Variants in RPS6KA3 observed in about 807,000 individuals in gnomAD.
RPS6KA3 encodes ribosomal protein S6 kinase alpha-3.
A neutral mutation model predicts 67.2 loss-of-function variants in RPS6KA3; 4 were observed. The observed-to-expected ratio is 0.06, with a 90% CI of 0.03 to 0.14. The LOEUF (loss-of-function observed/expected upper bound fraction) is 0.14, where lower values mean the gene tolerates loss of function less well. RPS6KA3 is among the 10% of genes least tolerant of loss of function. The probability of loss-of-function intolerance (pLI) is 1.00; values close to 1 mark genes in which losing one functional copy is unlikely to be tolerated. For synonymous variants in RPS6KA3, 182 were observed against 183.7 expected, an observed-to-expected ratio of 0.99 and a Z score of 0.07; for missense variants, 204 against 559.0, an observed-to-expected ratio of 0.36 and a Z score of 6.40.
At chrX:20,164,540 A>T (rs937272038) in intron 18 of RPS6KA3, among the ~76,000 whole-genome samples, 1 of 109,257 alleles carries the variant, frequency 9.2e-6, no homozygotes, top group African/African-American at 3.3e-5. Context: ...GCACGCCACC[A>T]TGCCCAGCTA....
intron 9 of RPS6KA3, 126 bp from the exon 10 acceptor site, chrX:20,186,492 G>A: frequency 2.1e-6 from 1 of 470,927 alleles, no homozygotes; most frequent in Middle Eastern, 5.5e-4. Context: ...TACATAACAA[G>A]TGTTTTCTAT....
intron 1 of RPS6KA3, chrX:20,235,579 T>G (rs1254948121): frequency 3.6e-5 from 4 of 111,194 alleles, no homozygotes; most frequent in Admixed American, 9.6e-5. Flanking sequence ...GAAATGCATT[T>G]AACCCAAAGA....
chrX:20,226,280 A>AAGAACAGAAAAATCCAGCC (rs2069119138), intron 2 of RPS6KA3, among the ~76,000 whole-genome samples: 1 of 112,306 alleles, frequency 8.9e-6, no homozygotes, highest in Non-Finnish European at 1.9e-5. Context: ...TAAGTGTGTG[A>AAGAACAGAAAAATCCAGCC]AGAACAGAAA....
chrX:20,185,094 T>C (rs1981870607), intron 10 of RPS6KA3, among the ~76,000 whole-genome samples: 1 of 111,073 alleles, frequency 9.0e-6, no homozygotes, highest in South Asian at 3.8e-4. Context: ...TACAGGCACC[T>C]GCTACCATGC....
chrX:20,212,989 G>C (rs1045467417), intron 2 of RPS6KA3, among the ~76,000 whole-genome samples: 2 of 111,256 alleles, frequency 1.8e-5, no homozygotes, highest in Non-Finnish European at 3.8e-5. Flanking sequence ...TTCATTTTCT[G>C]AAATTATACA....
At position 20,150,517 on chromosome X, in the gene RPS6KA3, A is replaced by T. The variant is rs1168409456; in HGVS notation, c.*4881T>A. 2 of 112,832 alleles carry T rather than the reference A, an allele frequency of 1.8e-5. No homozygotes were observed. The highest frequency in any genetic ancestry group is 1.9e-5 in the Non-Finnish European group (1 of 53,239). The allele number at this position is 112,832 out of a possible 1,213,427, so 9.3% of individuals were successfully genotyped here. A position where few individuals can be genotyped will look rare whatever the true frequency, so the allele number is the denominator to read the frequency against. ...ATGGCAATACCTTGAAGCTTTTTTTAAAATTAAAAACCAAAGCTTTAGATG... is the reference window on the plus strand; with the variant it reads ...ATGGCAATACCTTGAAGCTTTTTTTTAAATTAAAAACCAAAGCTTTAGATG... On this transcript the variant is annotated 3_prime_UTR_variant, in exon 22 of 22. Transcript: ENST00000379565.
Position 20,154,102 on chromosome X carries a change from T to C in RPS6KA3, c.*1296A>G, listed in dbSNP as rs968872776. 5 of 112,216 alleles carry C rather than the reference T, an allele frequency of 4.5e-5. No individual in the cohort carries two copies. The highest frequency in any genetic ancestry group is 1.6e-4 in the African/African-American group (5 of 30,883). 9.2% of individuals were successfully genotyped at this position (112,216 alleles called of 1,213,427 possible). A position where few individuals can be genotyped will look rare whatever the true frequency, so the allele number is the denominator to read the frequency against. On this transcript the variant is annotated 3_prime_UTR_variant, in exon 22 of 22. Coordinates refer to ENST00000379565, the MANE Select transcript of RPS6KA3 (RefSeq NM_004586.3). ...CAAATTAGATGCAGATAATGAATAC[T>C]GCAATCTAAGCAGGCCCAGTGGCCA...
chrX:20,172,209 A>C (rs984795095), intron 15 of RPS6KA3, among the ~76,000 whole-genome samples: 1 of 112,359 alleles, frequency 8.9e-6, no homozygotes, highest in African/African-American at 3.2e-5. Context: ...CTTACGACTA[A>C]AGGTTTGAAA....
At chrX:20,239,787 G>A (rs2069503557) in intron 1 of RPS6KA3, among the ~76,000 whole-genome samples, 1 of 111,342 alleles carries the variant, frequency 9.0e-6, no homozygotes, top group Non-Finnish European at 1.9e-5. Context: ...GCTTAAAGAG[G>A]AAGAACAACT....
chrX:20,260,989 A>G (rs188983757), intron 1 of RPS6KA3, among the ~76,000 whole-genome samples: 5 of 112,210 alleles, frequency 4.5e-5, no homozygotes, highest in African/African-American at 6.5e-5. Flanking sequence ...AGAATGAGCA[A>G]AAACCAAATT....
rs760841333 is a variant in RPS6KA3, at chrX:20,169,387, A to T, written c.1443+15T>A. 7 of 1,014,751 alleles carry T rather than the reference A, an allele frequency of 6.9e-6. No homozygotes were observed. The highest frequency in any genetic ancestry group is 4.4e-5 in the Admixed American group (2 of 45,554). 83.6% of individuals were successfully genotyped at this position (1,014,751 alleles called of 1,213,427 possible). Reference sequence around the variant, plus strand: ...ACAACTGATTCAAATGATCCATATTAAAGAATCTACTTACATCCTTTAGAG... The same window carrying T: ...ACAACTGATTCAAATGATCCATATTTAAGAATCTACTTACATCCTTTAGAG... On this transcript the variant is annotated intron_variant, in intron 16 of 21. Transcript: ENST00000379565.
intron 13 of RPS6KA3, among the ~76,000 whole-genome samples, chrX:20,175,515 T>G (rs982866316): frequency 5.4e-5 from 6 of 111,787 alleles, no homozygotes; most frequent in African/African-American, 2.0e-4. Flanking sequence ...AGAAAATAGC[T>G]AATTCATTTG....
chrX:20,162,539 TA>T lies in RPS6KA3; in HGVS notation c.1841+424del, dbSNP rs770465823. Reference sequence around the variant, plus strand: ...TGGAAAGATATGACAACATCTGAATTAAAAAAAAAAAAAACCTACATAGGCC... The same window carrying T: ...TGGAAAGATATGACAACATCTGAATTAAAAAAAAAAAAACCTACATAGGCC... On this transcript the variant is annotated intron_variant, in intron 19 of 21. Coordinates refer to ENST00000379565, the MANE Select transcript of RPS6KA3 (RefSeq NM_004586.3). Among the ~76,000 whole-genome samples, 274 of 95,816 alleles carry T rather than the reference TA, an allele frequency of 2.9e-3. 2 individuals are homozygous for T. The highest frequency in any genetic ancestry group is 0.021 in the Middle Eastern group (4 of 193). The allele number at this position is 95,816 out of a possible 115,157, so 83.2% of individuals were successfully genotyped here. A position where few individuals can be genotyped will look rare whatever the true frequency, so the allele number is the denominator to read the frequency against.
At chrX:20,167,110 C>A (rs1231436101) in intron 17 of RPS6KA3, among the ~76,000 whole-genome samples, 1 of 112,024 alleles carries the variant, frequency 8.9e-6, no homozygotes, top group Admixed American at 9.5e-5. Flanking sequence ...CAGGCATAAG[C>A]TACCGTGCCC....
chrX:20,256,196 A>AG (rs2070057045), intron 1 of RPS6KA3, among the ~76,000 whole-genome samples: 1 of 104,662 alleles, frequency 9.6e-6, no homozygotes, highest in Admixed American at 1.0e-4. Context: ...AAAAAAAAAA[A>AG]AAAGAAAAAA....
At chrX:20,164,391 T>C (rs1280961992) in intron 18 of RPS6KA3, among the ~76,000 whole-genome samples, 1 of 106,211 alleles carries the variant, frequency 9.4e-6, no homozygotes. Context: ...GGGTTGTTTT[T>C]TTTTTTTTTT....
chrX:20,186,773 C>G (rs1158839303), intron 9 of RPS6KA3, among the ~76,000 whole-genome samples: 1 of 111,710 alleles, frequency 9.0e-6, no homozygotes, highest in Non-Finnish European at 1.9e-5. Flanking sequence ...AATCACATTT[C>G]AAATGGCAAT....
At chrX:20,232,048 A>G (rs2069279312) in intron 2 of RPS6KA3, among the ~76,000 whole-genome samples, 1 of 112,279 alleles carries the variant, frequency 8.9e-6, no homozygotes, top group Admixed American at 9.4e-5. Flanking sequence ...TATTTATTCA[A>G]TAAATAGAGG....
At chrX:20,164,277 A>G (rs1458333706) in intron 18 of RPS6KA3, among the ~76,000 whole-genome samples, 1 of 111,377 alleles carries the variant, frequency 9.0e-6, no homozygotes, top group Non-Finnish European at 1.9e-5. Flanking sequence ...TTGGACCTAT[A>G]AGTAAGAGAG....
Sources: gnomAD v4.1 joint callset for allele counts (sites outside exome capture counted in the v4.1 genomes callset) on GRCh38, gnomAD v4.1.1 for gene constraint, MANE v1.5 for transcripts, NCBI Gene and HGNC (gene_info 2026-07-23, HGNC 2026-07-21) for gene names.